The following UBN2 variants were observed in gnomAD, a reference collection of about 807,000 sequenced individuals.
The protein encoded by UBN2 is ubinuclein 2, also known as ubinuclein-2.
UBN2 carries 35 observed loss-of-function variants against 120.2 expected under a neutral mutation model. That is an observed-to-expected ratio of 0.29 (90% confidence interval 0.22 to 0.39). The LOEUF is 0.39. Among genes scored for constraint, UBN2 ranks in the 10% least tolerant of loss-of-function variants. The probability of loss-of-function intolerance (pLI) is 1.00; values close to 1 mark genes in which losing one functional copy is unlikely to be tolerated. For synonymous variants in UBN2, 661 were observed against 648.7 expected (o/e 1.02, Z -0.29); for missense variants, 1,693 against 1,663.2 (o/e 1.02, Z -0.31).
At chr7:139,326,685 A>G in the UBN2 span, among the ~76,000 whole-genome samples, 4 of 152,214 alleles carry the variant, frequency 2.6e-5, no homozygotes, top group Non-Finnish European at 4.4e-5. Flanking sequence ...ACATGGGCAC[A>G]TCACCCAGGC....
chr7:139,274,643 T>C (rs888825588), intron 11 of UBN2, among the ~76,000 whole-genome samples: 5 of 151,786 alleles, frequency 3.3e-5, no homozygotes, highest in African/African-American at 4.8e-5. Flanking sequence ...ATGCCTGTTA[T>C]CCCAGCTACT....
At chr7:139,292,986 A>G (rs570352390) in intron 15 of UBN2, among the ~76,000 whole-genome samples, 1 of 152,304 alleles carries the variant, frequency 6.6e-6, no homozygotes, top group Non-Finnish European at 1.5e-5. Context: ...GCTAGGAGGC[A>G]AAAGTGGAGG....
At chr7:139,320,282 T>A in the UBN2 span, among the ~76,000 whole-genome samples, 1 of 151,622 alleles carries the variant, frequency 6.6e-6, no homozygotes, top group Non-Finnish European at 1.5e-5. Context: ...GCCAACATGG[T>A]GAAACCCCGT....
intron 6 of UBN2, among the ~76,000 whole-genome samples, chr7:139,261,964 T>C (rs920270418): frequency 6.8e-6 from 1 of 147,764 alleles, no homozygotes; most frequent in Non-Finnish European, 1.5e-5. Flanking sequence ...TTTTTTTTTT[T>C]AGTAGAGACG....
At chr7:139,316,301 T>A in the UBN2 span, among the ~76,000 whole-genome samples, 1 of 152,072 alleles carries the variant, frequency 6.6e-6, no homozygotes, top group Non-Finnish European at 1.5e-5. Context: ...TATACTTATA[T>A]TAAGTATAAA....
chr7:139,272,244 AT>A, intron 8 of UBN2, 77 bp from the exon 9 acceptor site: 1 of 1,020,672 alleles, frequency 9.8e-7, no homozygotes, highest in Non-Finnish European at 1.5e-6. Flanking sequence ...TAAAACATAA[AT>A]TTTATCTTTT....
rs1294578103 is a variant in UBN2, at chr7:139,297,812, T to G, written c.4020T>G (p.Thr1340=). 3.7e-6 allele frequency: 6 copies of G among 1,614,140 alleles called. No individual in the cohort carries two copies. Among genetic ancestry groups the G allele is most frequent in the South Asian group, 1.1e-5 (1 of 91,082 alleles). The change falls in exon 18 of 18, where the codon ACT becomes ACG. Residue 1340 remains threonine (T), a synonymous_variant. Transcript: ENST00000473989. ...FHDGGQSKGD[T]KLPRKSQ is the part of the protein sequence containing the mutation. ...ATGGAGGCCAAAGTAAAGGGGACAC[T>G]AAATTACCACGGAAATCTCAGTGAC... is the stretch of plus-strand genomic sequence containing the variant.
At chr7:139,269,700 A>G (rs78944346) in intron 8 of UBN2, among the ~76,000 whole-genome samples, 177 bp downstream of exon 8, 8,398 of 152,304 alleles carry the variant, frequency 0.055, 290 homozygotes, top group Non-Finnish European at 0.074. Flanking sequence ...GTCTTCAACA[A>G]TTGTTAAGTT....
the UBN2 span, among the ~76,000 whole-genome samples, chr7:139,321,572 A>T: frequency 6.6e-6 from 1 of 152,120 alleles, no homozygotes; most frequent in African/African-American, 2.4e-5. Context: ...CACCGGAGGG[A>T]TGGGATAACC....
At chr7:139,240,564 G>T (rs960301665) in intron 2 of UBN2, among the ~76,000 whole-genome samples, 1 of 151,538 alleles carries the variant, frequency 6.6e-6, no homozygotes, top group Non-Finnish European at 1.5e-5. Context: ...AGAGCTCTAG[G>T]CTATCACAAA....
At chr7:139,264,652 A>C (rs553710389) in intron 6 of UBN2, among the ~76,000 whole-genome samples, 5 of 151,890 alleles carry the variant, frequency 3.3e-5, no homozygotes, top group African/African-American at 1.2e-4. Context: ...GCTCACTGCA[A>C]CCTCCACCTC....
At chr7:139,266,281 A>C in intron 6 of UBN2, 52 bp from the exon 7 acceptor site, 2 of 1,238,476 alleles carry the variant, frequency 1.6e-6, no homozygotes, top group Non-Finnish European at 2.3e-6. Flanking sequence ...TAAGAATGCA[A>C]AATAGAGTAA....
rs767848946 is a variant in UBN2, at chr7:139,261,311, T to A, written c.965T>A (p.Leu322His). The change falls in exon 6 of 18, where the codon CTT becomes CAT. Residue 322 changes from leucine to histidine, a missense_variant. Leu to His is a moderately conservative substitution (Grantham distance 99). Transcript: ENST00000473989. ...AAGAAGAAACGTTATAAAGATTCTC[T>A]TTCTCTAGCTGCCATGATTAGAAAA... ...EKKKKRYKDS[L>H]SLAAMIRKFQ... is the part of the protein sequence containing the mutation. 26 of 1,613,388 alleles carry A rather than the reference T, an allele frequency of 1.6e-5. No homozygotes were observed. The highest frequency in any genetic ancestry group is 2.2e-5 in the Non-Finnish European group (26 of 1,179,866).
chr7:139,311,469 T>C (rs1180519304), downstream of UBN2, among the ~76,000 whole-genome samples: 1 of 152,246 alleles, frequency 6.6e-6, no homozygotes, highest in African/African-American at 2.4e-5. Flanking sequence ...ACTGTGAAGC[T>C]GTGTCACTCT....
In UBN2 at chr7:139,231,577, C is replaced by A; in HGVS notation, c.93C>A (p.Tyr31Ter). ...CGGGGCCCGAGCGTGAGCCCGAGTA[C>A]CCCCGCGAGCCCCCCCGGCTGGAGC... is the stretch of plus-strand genomic sequence containing the variant. Reference protein sequence around the residue: ...EYPGPEREPEYPREPPRLEPQ... With the variant: ...EYPGPEREPE The change falls in exon 1 of 18, where the codon TAC becomes TAA. Residue 31 changes from tyrosine to a stop codon, truncating the protein, a stop_gained. Transcript: ENST00000473989. LOFTEE classifies it high-confidence loss of function. The A allele has an allele frequency of 2.1e-6, 3 of 1,399,248 alleles. No homozygotes were observed. Among genetic ancestry groups the A allele is most frequent in the Non-Finnish European group, 1.9e-6 (2 of 1,067,558 alleles). The allele number at this position is 1,399,248 out of a possible 1,614,324, so 86.7% of individuals were successfully genotyped here.
chr7:139,255,348 T>C (rs1796728678), intron 3 of UBN2, among the ~76,000 whole-genome samples: 1 of 152,204 alleles, frequency 6.6e-6, no homozygotes. Flanking sequence ...TCAAATAGAA[T>C]AGGAACTAGT....
At position 139,297,958 on chromosome 7, in the gene UBN2, C is replaced by T; in HGVS notation, c.*122C>T. ...GATGTTTACATTCTCTCGTCCCAAG[C>T]ACTGTGGTGAGGAGGAAAAAGAAAA... On this transcript the variant is annotated 3_prime_UTR_variant, in exon 18 of 18. Coordinates refer to ENST00000473989, the MANE Select transcript of UBN2 (RefSeq NM_173569.4). The T allele has an allele frequency of 9.2e-7, 1 of 1,092,702 alleles. No homozygotes were observed. The highest frequency in any genetic ancestry group is 1.4e-6 in the Non-Finnish European group (1 of 731,116). 67.7% of individuals were successfully genotyped at this position (1,092,702 alleles called of 1,614,324 possible).
At position 139,302,908 on chromosome 7, in the gene UBN2, A is replaced by G. The variant is rs546916325; in HGVS notation, c.*5072A>G. 6.6e-6 allele frequency: 1 copy of G among 152,290 alleles called. No individual in the cohort carries two copies. The highest frequency in any genetic ancestry group is 2.1e-4 in the South Asian group (1 of 4,830). The allele number at this position is 152,290 out of a possible 1,614,324, so 9.4% of individuals were successfully genotyped here. On this transcript the variant is annotated 3_prime_UTR_variant, in exon 18 of 18. Transcript: ENST00000473989. ...TGGCATAAGTAATATAGGAGACAGCATTGGAATAACAAGAGTACCTTGCAA... is the reference window on the plus strand; with the variant it reads ...TGGCATAAGTAATATAGGAGACAGCGTTGGAATAACAAGAGTACCTTGCAA...
At chr7:139,252,176 T>C in intron 3 of UBN2, 119 bp downstream of exon 3, 1 of 742,222 alleles carries the variant, frequency 1.3e-6, no homozygotes, top group East Asian at 2.6e-5. Context: ...TTTAAAGCCA[T>C]GTTCACTACT....
Sources: gnomAD v4.1 joint callset for allele counts (sites outside exome capture counted in the v4.1 genomes callset) on GRCh38, gnomAD v4.1.1 for gene constraint, MANE v1.5 for transcripts, NCBI Gene and HGNC (gene_info 2026-07-23, HGNC 2026-07-21) for gene names.